RIMBP2: variants seen among roughly 807,000 people sequenced by gnomAD.
The protein encoded by RIMBP2 is RIMS binding protein 2.
Under a neutral mutation model 118.6 loss-of-function variants are expected in RIMBP2, and 48 were observed. That is an observed-to-expected ratio of 0.40 (90% CI 0.32 to 0.51). The LOEUF (loss-of-function observed/expected upper bound fraction) is 0.51. Ranked by LOEUF, RIMBP2 falls within the 20% of genes least tolerant of loss-of-function variation. The pLI, the probability that RIMBP2 is intolerant of heterozygous loss-of-function variation, is 0.41. For missense variants in RIMBP2, 1,551 were observed against 1,768.3 expected (o/e 0.88, Z 2.20); for synonymous variants, 762 against 742.9 (o/e 1.03, Z -0.42).
intron 1 of RIMBP2, among the ~76,000 whole-genome samples, chr12:130,661,727 A>T (rs936355661): frequency 2.6e-5 from 4 of 152,194 alleles, no homozygotes; most frequent in Non-Finnish European, 4.4e-5. Flanking sequence ...AGTTTGGGTT[A>T]GAGTTTTGGT....
intron 8 of RIMBP2, 51 bp downstream of exon 8, chr12:130,451,144 A>G (rs966601615): frequency 7.5e-6 from 12 of 1,589,468 alleles, no homozygotes; most frequent in Non-Finnish European, 1.0e-5. Context: ...CGTCCACACC[A>G]GACACACACA....
At chr12:130,463,904 A>T (rs2080226405) in intron 6 of RIMBP2, among the ~76,000 whole-genome samples, 1 of 151,690 alleles carries the variant, frequency 6.6e-6, no homozygotes, top group African/African-American at 2.4e-5. Flanking sequence ...CAAGATGGCA[A>T]AGAGAGTGAC....
intron 4 of RIMBP2, among the ~76,000 whole-genome samples, chr12:130,489,194 A>G (rs2048395414): frequency 6.6e-6 from 1 of 152,246 alleles, no homozygotes; most frequent in Non-Finnish European, 1.5e-5. Context: ...TAATGGAAAC[A>G]ACTGGTAGAC....
rs1468805089 is a variant in RIMBP2 at position 130,420,775 on chromosome 12, G to GCACC, written c.3238+1677_3238+1678insGGTG. 6.6e-6 allele frequency: 1 copy of GCACC among 152,146 alleles called. No individual in the cohort carries two copies. Among genetic ancestry groups the GCACC allele is most frequent in the African/African-American group, 2.4e-5 (1 of 41,434 alleles). 9.4% of individuals were successfully genotyped at this position (152,146 alleles called of 1,614,324 possible). A position where few individuals can be genotyped will look rare whatever the true frequency, so the allele number is the denominator to read the frequency against. ...GACTCTGACAGCGAGGGTCACCCTGGCAAGACTGCAGGCCCAGGGTTGGTT... is the reference window on the plus strand; with the variant it reads ...GACTCTGACAGCGAGGGTCACCCTGGCACCCAAGACTGCAGGCCCAGGGTTGGTT... On this transcript the variant is annotated intron_variant, in intron 17 of 22. Transcript: ENST00000690449. The surrounding 1 kb of genome is among the most constrained non-coding windows in gnomAD (Gnocchi z 4.3).
At chr12:130,526,147 C>T (rs1007523863) in intron 2 of RIMBP2, among the ~76,000 whole-genome samples, 1 of 152,142 alleles carries the variant, frequency 6.6e-6, no homozygotes, top group African/African-American at 2.4e-5. Flanking sequence ...CTAGAGACTA[C>T]AGATACAGTC....
chr12:130,564,793 G>C (rs1349648938), intron 2 of RIMBP2, among the ~76,000 whole-genome samples: 1 of 152,176 alleles, frequency 6.6e-6, no homozygotes, highest in Non-Finnish European at 1.5e-5. Context: ...ATTAGTTCCA[G>C]AGATCTGCTT....
intron 1 of RIMBP2, among the ~76,000 whole-genome samples, chr12:130,643,683 C>T (rs1243527650): frequency 1.3e-5 from 2 of 152,238 alleles, no homozygotes; most frequent in Non-Finnish European, 2.9e-5. Context: ...GCTCCATGTC[C>T]TTCCATTCAC....
rs957475432 is a variant in RIMBP2 at position 130,446,377 on chromosome 12, G to C, written c.582-1108C>G. On this transcript the variant is annotated intron_variant, in intron 9 of 22. Coordinates refer to ENST00000690449, the MANE Select transcript of RIMBP2 (RefSeq NM_001393629.1). This position sits in a 1 kb window ranked among gnomAD's most constrained non-coding sequence, Gnocchi z 4.1. ...GAAAACAGAGAAGATAAGGTCCCCA[G>C]TCTCAATGGCTGAGTGAGGTCAGGC... 3.9e-4 allele frequency among the ~76,000 whole-genome samples: 60 copies of C among 152,326 alleles called. No individual in the cohort carries two copies. The highest frequency in any genetic ancestry group is 8.1e-4 in the Non-Finnish European group (55 of 68,030).
intron 6 of RIMBP2, among the ~76,000 whole-genome samples, chr12:130,462,165 C>T (rs142601313): frequency 1.2e-3 from 178 of 152,292 alleles, no homozygotes; most frequent in Non-Finnish European, 2.0e-3. Context: ...CCTGTAGATG[C>T]CCCCGGCTGT....
intron 4 of RIMBP2, among the ~76,000 whole-genome samples, chr12:130,498,512 T>C (rs1194988539): frequency 2.0e-5 from 3 of 151,800 alleles, no homozygotes; most frequent in Non-Finnish European, 4.4e-5. Context: ...AACCCAGTGA[T>C]GTGCAAGTGA....
At chr12:130,448,719 C>T (rs900190209) in intron 9 of RIMBP2, among the ~76,000 whole-genome samples, 7 of 152,228 alleles carry the variant, frequency 4.6e-5, no homozygotes, top group African/African-American at 2.4e-5. Flanking sequence ...GACAGATGAG[C>T]GGATGGTGGG....
chr12:130,627,017 C>A (rs1352708018), intron 2 of RIMBP2, among the ~76,000 whole-genome samples: 1 of 152,014 alleles, frequency 6.6e-6, no homozygotes, highest in Admixed American at 6.6e-5. Flanking sequence ...AAAATCATCA[C>A]CATCTCCTCC....
intron 4 of RIMBP2, among the ~76,000 whole-genome samples, chr12:130,480,458 C>G (rs2081888542): frequency 6.6e-6 from 1 of 152,232 alleles, no homozygotes; most frequent in South Asian, 2.1e-4. Flanking sequence ...TGACCCAGGT[C>G]CTAAAGCAAG....
chr12:130,494,536 A>C (rs1296154858), intron 4 of RIMBP2, among the ~76,000 whole-genome samples: 1 of 151,970 alleles, frequency 6.6e-6, no homozygotes, highest in East Asian at 1.9e-4. Flanking sequence ...CTACTCAGGA[A>C]GCTGAAGAGG....
chr12:130,455,536 C>T (rs1177925130), intron 7 of RIMBP2, among the ~76,000 whole-genome samples: 1 of 152,232 alleles, frequency 6.6e-6, no homozygotes, highest in Non-Finnish European at 1.5e-5. Flanking sequence ...CTTACCCCAC[C>T]CGGCATTCTC....
At chr12:130,445,600 T>G (rs149871776) in intron 9 of RIMBP2, among the ~76,000 whole-genome samples, 1 of 152,238 alleles carries the variant, frequency 6.6e-6, no homozygotes, top group Non-Finnish European at 1.5e-5. Flanking sequence ...AGCAAGCAGA[T>G]GTGAAGAAAA....
intron 1 of RIMBP2, among the ~76,000 whole-genome samples, chr12:130,665,524 T>C (rs571137043): frequency 6.6e-6 from 1 of 151,396 alleles, no homozygotes; most frequent in Non-Finnish European, 1.5e-5. Context: ...CCAGCCTGGG[T>C]GACAGGGCGA....
chr12:130,693,215 A>G (rs1157673536), intron 1 of RIMBP2, among the ~76,000 whole-genome samples: 1 of 152,156 alleles, frequency 6.6e-6, no homozygotes, highest in Non-Finnish European at 1.5e-5. Flanking sequence ...TCCGTGCTCC[A>G]TGCCATGGTC....
intron 2 of RIMBP2, among the ~76,000 whole-genome samples, chr12:130,601,288 G>C (rs1220071192): frequency 6.5e-5 from 8 of 123,484 alleles, no homozygotes; most frequent in Non-Finnish European, 1.1e-4. Context: ...CTGCCTAAAA[G>C]CCACGGGCTG....
Sources: allele counts gnomAD v4.1 joint callset (sites outside exome capture counted in the v4.1 genomes callset), GRCh38; gene constraint gnomAD v4.1.1; non-coding constraint Gnocchi (gnomAD v3.1); transcripts MANE v1.5; gene names NCBI Gene and HGNC (gene_info 2026-07-23, HGNC 2026-07-21).